The following ZC3H4 variants were observed in gnomAD, a reference collection of about 807,000 sequenced individuals.
ZC3H4 encodes zinc finger CCCH-type containing 4.
Under a neutral mutation model 108.3 loss-of-function variants are expected in ZC3H4, and 13 were observed. The observed-to-expected ratio is 0.12, with a 90% CI of 0.08 to 0.19. ZC3H4 has a LOEUF of 0.19. Among genes scored for constraint, ZC3H4 ranks in the 10% least tolerant of loss-of-function variants. The pLI is 1.00. For missense variants in ZC3H4, 1,734 were observed against 1,838.8 expected (o/e 0.94, Z 1.04); for synonymous variants, 917 against 749.6 (o/e 1.22, Z -3.65).
Position 47,096,901 on chromosome 19 carries a change from G to A in ZC3H4, c.162-2293C>T, listed in dbSNP as rs1057120846. On this transcript the variant is annotated intron_variant, in intron 2 of 14. Transcript: ENST00000253048. ...CCGGAGTGGGTGGCAGCCTCAGCAC[G>A]CCCTCCCTTATGTCCAACACCGCGG... 11 of 985,226 alleles carry A rather than the reference G, an allele frequency of 1.1e-5. No individual in the cohort carries two copies. The Admixed American group carries it at 2.5e-4, about 22-fold the overall frequency. The allele number at this position is 985,226 out of a possible 1,614,324, so 61.0% of individuals were successfully genotyped here.
chr19:47,072,593 G>C lies in ZC3H4; in HGVS notation c.1561C>G (p.Pro521Ala), dbSNP rs62635811. The change falls in exon 12 of 15, where the codon CCT becomes GCT. Residue 521 changes from proline to alanine, a missense_variant. Physicochemically the swap from Pro to Ala is conservative, Grantham distance 27 (BLOSUM62 -1). Around this residue, in one of 9 missense-constraint regions of ZC3H4, gnomAD observed 75 missense variants for 85.8 expected, o/e 0.87. Coordinates refer to ENST00000253048, the MANE Select transcript of ZC3H4 (RefSeq NM_015168.2). This position sits in a 1 kb window ranked among gnomAD's most constrained non-coding sequence, Gnocchi z 5.6. ...GGAGCCTGCGGGCCAGGGGGCCGAGGAGGGGTGGGCAGGAGGCCCACACCA... is the reference window on the plus strand; with the variant it reads ...GGAGCCTGCGGGCCAGGGGGCCGAGCAGGGGTGGGCAGGAGGCCCACACCA... Reference protein sequence around the residue: ...PPGVGLLPTPPRPPGPQAPTS... With the variant: ...PPGVGLLPTPARPPGPQAPTS... 3.2e-5 allele frequency: 52 copies of C among 1,603,132 alleles called. 1 individual carries two copies. In the Middle Eastern group the frequency reaches 8.3e-4, roughly 26 times the overall value.
rs548008976 is a variant in ZC3H4, at chr19:47,081,090, A to G, written c.1440+423T>C. Reference sequence around the variant, plus strand: ...TTTTTAATTTATTTTTAGTAGAAACAACGTCTTGCTACATGCCTAGGCTGG... The same window carrying G: ...TTTTTAATTTATTTTTAGTAGAAACGACGTCTTGCTACATGCCTAGGCTGG... On this transcript the variant is annotated intron_variant, in intron 11 of 14. Coordinates refer to ENST00000253048, the MANE Select transcript of ZC3H4 (RefSeq NM_015168.2). 5.9e-5 allele frequency among the ~76,000 whole-genome samples: 9 copies of G among 151,964 alleles called. No individual in the cohort carries two copies. The South Asian group carries it at 1.5e-3, about 25-fold the overall frequency.
rs192489495 is a variant in ZC3H4 at position 47,081,279 on chromosome 19, G to T, written c.1440+234C>A. 3.9e-5 allele frequency among the ~76,000 whole-genome samples: 6 copies of T among 152,284 alleles called. No homozygotes were observed. The South Asian group carries it at 8.3e-4, about 21-fold the overall frequency. On this transcript the variant is annotated intron_variant, in intron 11 of 14. Transcript: ENST00000253048. ...CATCAGGCAGCATTCCTTTCATTTG[G>T]TCATGCCCCAGGGGAAACAGCAAAA...
chr19:47,113,644 G>A (rs919237720), intron 1 of ZC3H4, 76 bp downstream of exon 1: 1 of 152,270 alleles, frequency 6.6e-6, no homozygotes, highest in Non-Finnish European at 1.5e-5. Context: ...GAAGGAAGGC[G>A]GGAAGAGCCA....
chr19:47,112,673 T>G (rs1464964705), intron 1 of ZC3H4, 84 bp from the exon 2 acceptor site: 1 of 783,958 alleles, frequency 1.3e-6, no homozygotes, highest in East Asian at 3.4e-5. Flanking sequence ...GGAGGGCTCC[T>G]GATGGGAATG....
rs2122683366 is a variant in ZC3H4 at position 47,069,125 on chromosome 19, C to T, written c.2365G>A (p.Glu789Lys). The stretch of plus-strand genomic sequence containing the variant: ...TTCTCCCGGTCCTGCTTGCTGCTCT[C>T]AGCCAGCCTCCTCGCTCTCTCCTCC... ...EEEERARRLA[E>K]SSKQDRENEE... Residue 789 changes from glutamate to lysine, a missense_variant, in exon 14 of 15, where the codon GAG becomes AAG. Coordinates refer to ENST00000253048, the MANE Select transcript of ZC3H4 (RefSeq NM_015168.2). The T allele has an allele frequency of 6.2e-7, 1 of 1,605,108 alleles. No individual in the cohort carries two copies. Among genetic ancestry groups the T allele is most frequent in the East Asian group, 2.2e-5 (1 of 44,870 alleles).
rs1394549422 is a variant in ZC3H4, at chr19:47,065,045, A to C, written c.*1311T>G. ...CTTCCTGAGGCCCCTCAAGTGGCCC[A>C]GAGGCAGGATAGCAGGCCTCCCCCA... On this transcript the variant is annotated 3_prime_UTR_variant, in exon 15 of 15. Transcript: ENST00000253048. 6.6e-6 allele frequency: 1 copy of C among 152,434 alleles called. No individual in the cohort carries two copies. Among genetic ancestry groups the C allele is most frequent in the Admixed American group, 6.5e-5 (1 of 15,280 alleles). 9.4% of individuals were successfully genotyped at this position (152,434 alleles called of 1,614,324 possible).
intron 5 of ZC3H4, among the ~76,000 whole-genome samples, chr19:47,089,078 T>G (rs2057683928): frequency 6.6e-6 from 1 of 151,498 alleles, no homozygotes; most frequent in Non-Finnish European, 1.5e-5. Context: ...TAGTGGCACG[T>G]GCCTGTAATC....
intron 2 of ZC3H4, among the ~76,000 whole-genome samples, chr19:47,106,642 T>C (rs1246193602): frequency 6.6e-6 from 1 of 152,186 alleles, no homozygotes; most frequent in Admixed American, 6.5e-5. Flanking sequence ...AGCAACCCTT[T>C]ATCGTGGCCA....
chr19:47,107,673 A>G (rs2057984620), intron 2 of ZC3H4, among the ~76,000 whole-genome samples: 1 of 152,086 alleles, frequency 6.6e-6, no homozygotes, highest in Non-Finnish European at 1.5e-5. Context: ...AAAAAAAAAA[A>G]AGTAACAGGA....
rs752467539 is a variant in ZC3H4, at chr19:47,067,530, C to A, written c.2738G>T (p.Ser913Ile). ...GSLHSSPVGP[S>I]SSKGSGPPPT... ...GGGCGGCCCAGACCCCTTGGAACTG[C>A]TGGGGCCCACAGGGCTGGAATGAAG... The change falls in exon 15 of 15, where the codon AGC becomes ATC. Residue 913 changes from serine to isoleucine, a missense_variant. Ser to Ile is a moderately radical substitution (Grantham distance 142). Transcript: ENST00000253048. The surrounding 1 kb of genome is among the most constrained non-coding windows in gnomAD (Gnocchi z 6.4). 5 of 1,596,366 alleles carry A rather than the reference C, an allele frequency of 3.1e-6. No homozygotes were observed. Among genetic ancestry groups the A allele is most frequent in the Non-Finnish European group, 4.3e-6 (5 of 1,171,404 alleles).
chr19:47,094,968 T>C (rs2057798568), intron 2 of ZC3H4, among the ~76,000 whole-genome samples: 1 of 152,182 alleles, frequency 6.6e-6, no homozygotes, highest in African/African-American at 2.4e-5. Flanking sequence ...TCATAATGCT[T>C]AACGCTGCAC....
chr19:47,079,563 C>T (rs1161526501), intron 11 of ZC3H4, among the ~76,000 whole-genome samples: 1 of 150,512 alleles, frequency 6.6e-6, no homozygotes. Context: ...CACTGCTTCC[C>T]CTGTCAAACA....
intron 2 of ZC3H4, among the ~76,000 whole-genome samples, chr19:47,096,114 G>A (rs890186046): frequency 1.1e-4 from 17 of 152,228 alleles, no homozygotes; most frequent in African/African-American, 4.1e-4. Flanking sequence ...AGCGCCTCAA[G>A]AGCAGCTTTT....
At chr19:47,102,587 A>G (rs1218467182) in intron 2 of ZC3H4, among the ~76,000 whole-genome samples, 1 of 152,160 alleles carries the variant, frequency 6.6e-6, no homozygotes, top group Non-Finnish European at 1.5e-5. Context: ...ATGTAACACA[A>G]GCACTTAGCA....
chr19:47,081,600 G>A lies in ZC3H4; in HGVS notation c.1353C>T (p.Tyr451=), dbSNP rs911430442. The part of the protein sequence containing the change: ...YMHGDFPCKL[Y]HTTGNCINGD... ...CATTGATGCAGTTCCCAGTGGTGTG[G>A]TACAGCTTACACGGGAAATCACGTT... The change falls in exon 11 of 15, where the codon TAC becomes TAT. Residue 451 remains tyrosine, a synonymous_variant. Coordinates refer to ENST00000253048, the MANE Select transcript of ZC3H4 (RefSeq NM_015168.2). 1.2e-6 allele frequency: 2 copies of A among 1,614,186 alleles called. No individual in the cohort carries two copies. The highest frequency in any genetic ancestry group is 3.3e-5 in the Admixed American group (2 of 60,028).
chr19:47,098,621 C>T (rs1001589461), intron 2 of ZC3H4, among the ~76,000 whole-genome samples: 2 of 151,458 alleles, frequency 1.3e-5, no homozygotes, highest in African/African-American at 4.9e-5. Context: ...AAAATTAGAC[C>T]AGTGAAGTGG....
At chr19:47,085,007 TAAG>T in intron 8 of ZC3H4, 46 bp downstream of exon 8, 2 of 1,607,604 alleles carry the variant, frequency 1.2e-6, no homozygotes, top group Non-Finnish European at 8.5e-7. Context: ...GAAAAAGGAC[TAAG>T]AAGGGACCTT....
intron 2 of ZC3H4, among the ~76,000 whole-genome samples, chr19:47,100,725 A>T (rs2057892866): frequency 6.6e-6 from 1 of 151,830 alleles, no homozygotes; most frequent in Non-Finnish European, 1.5e-5. Flanking sequence ...TGAGACGGGG[A>T]TCTTACTCTG....
Sources: gnomAD v4.1 joint callset for allele counts (sites outside exome capture counted in the v4.1 genomes callset) on GRCh38, gnomAD v4.1.1 for gene constraint, gnomAD v4.1.1 regional missense constraint, Gnocchi (gnomAD v3.1) non-coding constraint, MANE v1.5 for transcripts, NCBI Gene and HGNC (gene_info 2026-07-23, HGNC 2026-07-21) for gene names.